KAT6B: variants seen among roughly 807,000 people sequenced by gnomAD.
KAT6B encodes lysine acetyltransferase 6B.
Under a neutral mutation model 187.5 loss-of-function variants are expected in KAT6B, and 10 were observed. That is an observed-to-expected ratio of 0.05 (90% CI 0.03 to 0.09). KAT6B has a LOEUF of 0.09. Among genes scored for constraint, KAT6B ranks in the 10% least tolerant of loss-of-function variants. KAT6B has a pLI of 1.00. For synonymous variants in KAT6B, 861 were observed against 926.8 expected, an observed-to-expected ratio of 0.93 and a Z score of 1.29; for missense variants, 1,952 against 2,558.9, an observed-to-expected ratio of 0.76 and a Z score of 5.12.
chr10:75,024,922 TG>T (rs1416497952), intron 16 of KAT6B, 35 bp from the exon 17 acceptor site: 6 of 1,598,980 alleles, frequency 3.8e-6, no homozygotes, highest in Admixed American at 1.7e-5. Context: ...TAATTTCTCA[TG>T]AGCTCTTATG....
intron 3 of KAT6B, among the ~76,000 whole-genome samples, chr10:74,879,208 ATTG>A (rs1431339208): frequency 6.6e-6 from 1 of 152,162 alleles, no homozygotes; most frequent in Non-Finnish European, 1.5e-5. Context: ...TTATCTTAGT[ATTG>A]TTACCAAGTT....
chr10:74,990,492 A>C (rs1344588475), intron 13 of KAT6B, among the ~76,000 whole-genome samples: 13 of 152,180 alleles, frequency 8.5e-5, no homozygotes, highest in Admixed American at 8.5e-4. Flanking sequence ...TGATTTATTG[A>C]CATTGAAGAA....
At chr10:74,853,481 A>G (rs1289704943) in intron 3 of KAT6B, among the ~76,000 whole-genome samples, 1 of 151,896 alleles carries the variant, frequency 6.6e-6, no homozygotes, top group Non-Finnish European at 1.5e-5. Context: ...TTTTGTAGAG[A>G]TAGGGTTTCG....
intron 13 of KAT6B, among the ~76,000 whole-genome samples, chr10:74,995,368 A>T (rs1843361020): frequency 6.6e-6 from 1 of 152,148 alleles, no homozygotes; most frequent in African/African-American, 2.4e-5. Flanking sequence ...TATACTTGTT[A>T]CCTTTTTAAA....
intron 3 of KAT6B, among the ~76,000 whole-genome samples, chr10:74,872,196 A>G (rs1216257601): frequency 6.6e-6 from 1 of 152,196 alleles, no homozygotes; most frequent in African/African-American, 2.4e-5. Context: ...AGAGCAGCTC[A>G]AAATATGCAA....
At chr10:74,976,658 C>G in intron 8 of KAT6B, 1 of 400,836 alleles carries the variant, frequency 2.5e-6, no homozygotes, top group Non-Finnish European at 4.7e-6. Context: ...TTCTGCCATG[C>G]TCTCCCCCAT....
At chr10:74,908,169 C>T (rs1284093553) in intron 3 of KAT6B, among the ~76,000 whole-genome samples, 1 of 152,182 alleles carries the variant, frequency 6.6e-6, no homozygotes, top group Non-Finnish European at 1.5e-5. Flanking sequence ...TGATGCCCTG[C>T]ACTACCATGA....
chr10:74,853,218 G>C lies in KAT6B; in HGVS notation c.621+9740G>C, dbSNP rs867810963. Among the ~76,000 whole-genome samples the C allele has an allele frequency of 1.6e-4, 23 of 145,012 alleles. No individual in the cohort carries two copies. In the Middle Eastern group the frequency reaches 0.012, roughly 75 times the overall value. Reference sequence around the variant, plus strand: ...CAGCCTCGACCTCCCGGGCTCAAGTGATCCTTGATCCTCCCACCTCAGCCT... The same window carrying C: ...CAGCCTCGACCTCCCGGGCTCAAGTCATCCTTGATCCTCCCACCTCAGCCT... On this transcript the variant is annotated intron_variant, in intron 3 of 17. Transcript: ENST00000287239.
chr10:74,930,872 T>C (rs904080278), intron 3 of KAT6B, among the ~76,000 whole-genome samples: 3 of 152,194 alleles, frequency 2.0e-5, no homozygotes, highest in African/African-American at 7.2e-5. Context: ...CCTCGACCTT[T>C]TACAGTTTTT....
intron 3 of KAT6B, among the ~76,000 whole-genome samples, chr10:74,871,006 T>C (rs1430231066): frequency 5.3e-5 from 8 of 151,168 alleles, no homozygotes; most frequent in Admixed American, 3.3e-4. Context: ...GCCTCCCAAG[T>C]AGCTGGGATT....
In KAT6B at chr10:74,972,495, A is replaced by G. The variant is rs190502446; in HGVS notation, c.929-12A>G. The G allele has an allele frequency of 3.2e-3, 5,023 of 1,548,566 alleles. 112 individuals are homozygous for G. The highest frequency in any genetic ancestry group is 5.8e-3 in the Admixed American group (345 of 58,980). On this transcript the variant is annotated splice_polypyrimidine_tract_variant and intron_variant, in intron 6 of 17. Coordinates refer to ENST00000287239, the MANE Select transcript of KAT6B (RefSeq NM_012330.4). ...ACATTAAAATATTTTTCTCATATAT[A>G]TATTAATTCAGGGATGTGGATTTGC...
chr10:74,835,614 C>T (rs534402008), intron 1 of KAT6B, among the ~76,000 whole-genome samples: 1 of 152,282 alleles, frequency 6.6e-6, no homozygotes, highest in African/African-American at 2.4e-5. Context: ...AATTAAAATC[C>T]TTCATGACTT....
chr10:74,883,540 T>G (rs1415124863), intron 3 of KAT6B, among the ~76,000 whole-genome samples: 2 of 152,148 alleles, frequency 1.3e-5, no homozygotes, highest in African/African-American at 4.8e-5. Flanking sequence ...TAGGAAGTTG[T>G]AGGCTTTAAG....
At chr10:74,827,477 A>C (rs548613858) in intron 1 of KAT6B, among the ~76,000 whole-genome samples, 1 of 151,670 alleles carries the variant, frequency 6.6e-6, no homozygotes, top group South Asian at 2.1e-4. Context: ...CGCATGTTGG[A>C]ATAAGAAGGA....
At chr10:74,900,116 A>C (rs1025032145) in intron 3 of KAT6B, among the ~76,000 whole-genome samples, 4 of 152,026 alleles carry the variant, frequency 2.6e-5, no homozygotes, top group African/African-American at 9.7e-5. Flanking sequence ...ACCTAAACAC[A>C]GATAATGTTA....
Position 74,975,722 on chromosome 10 carries a change from A to G in KAT6B, c.1385A>G (p.Tyr462Cys), listed in dbSNP as rs2133723241. The change falls in exon 8 of 18, where the codon TAT (tyrosine) becomes TGT (cysteine). Residue 462 changes from tyrosine to cysteine, a missense_variant. Tyr to Cys is a radical substitution (Grantham distance 194). Transcript: ENST00000287239. ...GAAATTATAGACTTTTCAAAGCACT[A>G]TCGTCCAAGGAAAAAGGTCTCTCAG... The part of the protein sequence containing the change: ...RGEIIDFSKH[Y>C]RPRKKVSQKQ... The G allele has an allele frequency of 1.2e-6, 2 of 1,614,220 alleles. No individual in the cohort carries two copies. Among genetic ancestry groups the G allele is most frequent in the African/African-American group, 1.3e-5 (1 of 75,050 alleles).
At chr10:74,968,811 G>A (rs12264036) in intron 4 of KAT6B, among the ~76,000 whole-genome samples, 42 of 152,186 alleles carry the variant, frequency 2.8e-4, no homozygotes, top group African/African-American at 8.4e-4. Context: ...CTCACGCTCC[G>A]CACACCTCTT....
Position 74,960,095 on chromosome 10 carries a change from C to T in KAT6B, c.730+17C>T, listed in dbSNP as rs748249223. The T allele has an allele frequency of 1.4e-6, 2 of 1,456,224 alleles. No homozygotes were observed. 90.2% of individuals were successfully genotyped at this position (1,456,224 alleles called of 1,614,324 possible). On this transcript the variant is annotated intron_variant, in intron 4 of 17. Coordinates refer to ENST00000287239, the MANE Select transcript of KAT6B (RefSeq NM_012330.4). The stretch of plus-strand genomic sequence containing the variant: ...GCAGTAGTGGTAAGTTGTGTTTTTC[C>T]TATGTGTTGTACAATGACTTCCCAT...
intron 3 of KAT6B, among the ~76,000 whole-genome samples, chr10:74,879,234 T>C (rs1444247887): frequency 6.6e-6 from 1 of 152,212 alleles, no homozygotes; most frequent in Non-Finnish European, 1.5e-5. Flanking sequence ...GGGTCTTTTC[T>C]GGGGTGATCA....
Sources: gnomAD v4.1 joint callset for allele counts (sites outside exome capture counted in the v4.1 genomes callset) on GRCh38, gnomAD v4.1.1 for gene constraint, MANE v1.5 for transcripts, NCBI Gene and HGNC (gene_info 2026-07-23, HGNC 2026-07-21) for gene names.